Variants in ATP10D observed in about 807,000 individuals in gnomAD.
The protein encoded by ATP10D is phospholipid-transporting ATPase VD.
Under a neutral mutation model 144.8 loss-of-function variants are expected in ATP10D, and 89 were observed. The ratio of observed to expected loss-of-function variants is 0.61; its 90% CI spans 0.52 to 0.73. The LOEUF (loss-of-function observed/expected upper bound fraction) is 0.73. Among genes scored for constraint, ATP10D ranks in the 30% least tolerant of loss-of-function variants. The pLI is 0.00. For synonymous variants in ATP10D, 571 were observed against 615.1 expected (o/e 0.93, Z 1.06); for missense variants, 1,603 against 1,714.8 (o/e 0.93, Z 1.15).
intron 10 of ATP10D, among the ~76,000 whole-genome samples, chr4:47,552,843 T>C (rs1384664184): frequency 6.6e-6 from 1 of 152,236 alleles, no homozygotes; most frequent in African/African-American, 2.4e-5. Context: ...AAAAGAAGTC[T>C]CTAAAAAATA....
chr4:47,527,200 G>A lies in ATP10D; in HGVS notation c.776+1558G>A, dbSNP rs62297976. Reference sequence around the variant, plus strand: ...AACAAAGGTGCAAAGACACATAGATGGAGAAAGGTTATCGTTTCAACAAAC... The same window carrying A: ...AACAAAGGTGCAAAGACACATAGATAGAGAAAGGTTATCGTTTCAACAAAC... On this transcript the variant is annotated intron_variant, in intron 5 of 22. Transcript: ENST00000273859. Among the ~76,000 whole-genome samples the A allele has an allele frequency of 3.4e-3, 522 of 152,142 alleles. 4 individuals carry two copies. Among genetic ancestry groups the A allele is most frequent in the Non-Finnish European group, 6.3e-3 (428 of 67,948 alleles).
chr4:47,532,035 C>T (rs1717594057), intron 5 of ATP10D, among the ~76,000 whole-genome samples: 1 of 152,172 alleles, frequency 6.6e-6, no homozygotes, highest in South Asian at 2.1e-4. Context: ...GATCCTGTGT[C>T]CCAATTCTGA....
intron 1 of ATP10D, among the ~76,000 whole-genome samples, chr4:47,490,424 A>G (rs1462330844): frequency 6.6e-6 from 1 of 152,252 alleles, no homozygotes; most frequent in East Asian, 1.9e-4. Flanking sequence ...TCAATGGGAT[A>G]TGGAAACTCT....
chr4:47,504,746 G>A (rs1414176628), intron 1 of ATP10D, among the ~76,000 whole-genome samples: 1 of 152,092 alleles, frequency 6.6e-6, no homozygotes, highest in Non-Finnish European at 1.5e-5. Flanking sequence ...TGCATTTTTA[G>A]TAGAGACGGG....
At chr4:47,556,153 C>A (rs1301124064) in intron 11 of ATP10D, among the ~76,000 whole-genome samples, 3 of 152,198 alleles carry the variant, frequency 2.0e-5, no homozygotes, top group Non-Finnish European at 1.5e-5. Flanking sequence ...GGTGATTCAC[C>A]ATTTGCTGTG....
chr4:47,487,231 C>CAAAAA (rs1478374325), intron 1 of ATP10D, among the ~76,000 whole-genome samples: 106 of 128,424 alleles, frequency 8.3e-4, no homozygotes, highest in African/African-American at 2.9e-3. Context: ...CTCCGTCCCC[C>CAAAAA]AAAAAAAAAA....
At chr4:47,536,327 T>C (rs1717843771) in intron 7 of ATP10D, 110 bp from the exon 8 acceptor site, 3 of 1,376,276 alleles carry the variant, frequency 2.2e-6, no homozygotes, top group Non-Finnish European at 2.0e-6. Flanking sequence ...AACAAACAGT[T>C]GATGTCCAAC....
intron 5 of ATP10D, among the ~76,000 whole-genome samples, chr4:47,533,335 T>C (rs1231164627): frequency 6.6e-6 from 1 of 152,196 alleles, no homozygotes; most frequent in African/African-American, 2.4e-5. Context: ...CAAGGATGCA[T>C]CTGGCTTTTA....
At chr4:47,564,892 C>T (rs909282938) in intron 15 of ATP10D, among the ~76,000 whole-genome samples, 4 of 152,276 alleles carry the variant, frequency 2.6e-5, no homozygotes, top group South Asian at 2.1e-4. Context: ...TCTTGTGGAG[C>T]TTTTCTTCAG....
At chr4:47,560,662 T>G (rs1221553344) in intron 13 of ATP10D, among the ~76,000 whole-genome samples, 1 of 152,234 alleles carries the variant, frequency 6.6e-6, no homozygotes, top group African/African-American at 2.4e-5. Context: ...CTGCATACTT[T>G]CTGATTTAAT....
intron 1 of ATP10D, among the ~76,000 whole-genome samples, chr4:47,500,330 C>G (rs763086681): frequency 6.6e-6 from 1 of 152,208 alleles, no homozygotes; most frequent in African/African-American, 2.4e-5. Flanking sequence ...AGAGGCAGAT[C>G]ATATGGAGCA....
intron 21 of ATP10D, among the ~76,000 whole-genome samples, chr4:47,582,579 T>C (rs1720574106): frequency 4.6e-5 from 7 of 152,156 alleles, no homozygotes; most frequent in Non-Finnish European, 1.5e-5. Context: ...CATTTCCACA[T>C]ATTCGTGGGC....
At position 47,587,105 on chromosome 4, in the gene ATP10D, C is replaced by G; in HGVS notation, c.3840C>G (p.Cys1280Trp). ...AIVFGAMCVT[C>W]NPPSNPYWIM... ...TTTTTGGAGCCATGTGTGTAACTTG[C>G]AACCCACCATCCAACCCTTACTGGA... The change falls in exon 22 of 23, where the codon TGC becomes TGG. Residue 1280 changes from cysteine (C) to tryptophan (W), a missense_variant. Cys to Trp is a radical substitution (Grantham distance 215). Transcript: ENST00000273859. 4 of 1,614,082 alleles carry G rather than the reference C, an allele frequency of 2.5e-6. No individual in the cohort carries two copies. The highest frequency in any genetic ancestry group is 1.3e-5 in the African/African-American group (1 of 75,050).
At chr4:47,527,450 T>C (rs1291129542) in intron 5 of ATP10D, among the ~76,000 whole-genome samples, 1 of 152,134 alleles carries the variant, frequency 6.6e-6, no homozygotes, top group Non-Finnish European at 1.5e-5. Context: ...ATAAAAGAAC[T>C]CATCAAAATT....
intron 6 of ATP10D, 84 bp from the exon 7 acceptor site, chr4:47,535,818 G>T: frequency 6.9e-7 from 1 of 1,455,658 alleles, no homozygotes; most frequent in Non-Finnish European, 9.2e-7. Flanking sequence ...TTATTAAATT[G>T]TCTGCAAGAG....
At chr4:47,580,858 T>C (rs1443866863) in intron 20 of ATP10D, among the ~76,000 whole-genome samples, 2 of 152,120 alleles carry the variant, frequency 1.3e-5, no homozygotes, top group Non-Finnish European at 2.9e-5. Context: ...GTTGAGGAGT[T>C]TGAAACCAGC....
chr4:47,512,695 T>C lies in ATP10D; in HGVS notation c.155T>C (p.Ile52Thr). Residue 52 changes from isoleucine (I) to threonine (T), a missense_variant, in exon 2 of 23, where the codon ATT (isoleucine) becomes ACT (threonine). Coordinates refer to ENST00000273859, the MANE Select transcript of ATP10D (RefSeq NM_020453.4). The part of the protein sequence containing the change: ...QTPKLSGRHR[I>T]VVPHIQPFKD... The stretch of plus-strand genomic sequence containing the variant: ...CCTAAACTGTCAGGAAGGCACCGGA[T>C]TGTTGTTCCCCACATCCAGCCCTTC... 6.2e-7 allele frequency: 1 copy of C among 1,614,196 alleles called. No homozygotes were observed. The highest frequency in any genetic ancestry group is 8.5e-7 in the Non-Finnish European group (1 of 1,180,016).
chr4:47,548,430 C>T (rs1038963640), intron 10 of ATP10D, among the ~76,000 whole-genome samples: 2 of 152,162 alleles, frequency 1.3e-5, no homozygotes, highest in African/African-American at 2.4e-5. Context: ...ACCGTCCCTC[C>T]GTCCCTCCGT....
At chr4:47,561,300 T>A (rs533947083) in intron 14 of ATP10D, among the ~76,000 whole-genome samples, 1 of 152,282 alleles carries the variant, frequency 6.6e-6, no homozygotes. Context: ...CCCAAGAAGA[T>A]CATGTAAAAT....
Sources: allele counts gnomAD v4.1 joint callset (sites outside exome capture counted in the v4.1 genomes callset), GRCh38; gene constraint gnomAD v4.1.1; transcripts MANE v1.5; gene names NCBI Gene and HGNC (gene_info 2026-07-23, HGNC 2026-07-21).